The following CNBD1 variants were observed in gnomAD, a reference collection of about 807,000 sequenced individuals.
The protein encoded by CNBD1 is cyclic nucleotide binding domain containing 1, also known as cyclic nucleotide-binding domain-containing protein 1.
A neutral mutation model predicts 54.4 loss-of-function variants in CNBD1; 71 were observed. The ratio of observed to expected loss-of-function variants is 1.30; its 90% confidence interval spans 1.08 to 1.59. The LOEUF (loss-of-function observed/expected upper bound fraction) is 1.59. CNBD1 is among the 40% of genes most tolerant of loss of function. The pLI is 0.00. For missense variants in CNBD1, 659 were observed against 518.0 expected (o/e 1.27, Z -2.64); for synonymous variants, 182 against 170.7 (o/e 1.07, Z -0.51).
At chr8:87,067,850 C>T (rs1220738513) in intron 4 of CNBD1, among the ~76,000 whole-genome samples, 1 of 151,750 alleles carries the variant, frequency 6.6e-6, no homozygotes, top group East Asian at 1.9e-4. Context: ...GTGTTTCCAC[C>T]TGAGAAGACC....
At chr8:86,884,320 T>C (rs554111493) in intron 1 of CNBD1, among the ~76,000 whole-genome samples, 7 of 152,164 alleles carry the variant, frequency 4.6e-5, no homozygotes, top group Non-Finnish European at 7.4e-5. Flanking sequence ...CACTTGGGAA[T>C]TGTCTCTGTC....
chr8:87,123,731 GT>G (rs953554042), intron 4 of CNBD1, among the ~76,000 whole-genome samples: 6 of 151,688 alleles, frequency 4.0e-5, no homozygotes, highest in Admixed American at 2.6e-4. Context: ...TGAAGAGTTG[GT>G]TTTTTGAAAA....
chr8:87,241,598 A>G (rs1807710470), intron 6 of CNBD1, among the ~76,000 whole-genome samples: 1 of 152,138 alleles, frequency 6.6e-6, no homozygotes, highest in African/African-American at 2.4e-5. Context: ...ATGGATAACA[A>G]TGAAAGTGTC....
At chr8:87,125,459 A>G (rs1586273406) in intron 4 of CNBD1, among the ~76,000 whole-genome samples, 1 of 151,700 alleles carries the variant, frequency 6.6e-6, no homozygotes, top group East Asian at 1.9e-4. Flanking sequence ...AGTATCCAAA[A>G]CCCATAAATA....
intron 4 of CNBD1, among the ~76,000 whole-genome samples, chr8:87,056,378 C>A (rs1289909997): frequency 2.0e-5 from 3 of 152,062 alleles, no homozygotes; most frequent in Non-Finnish European, 4.4e-5. Context: ...GCCTTACAGT[C>A]CCTAGACTTA....
At chr8:87,114,019 G>A (rs1220432143) in intron 4 of CNBD1, among the ~76,000 whole-genome samples, 3 of 152,100 alleles carry the variant, frequency 2.0e-5, no homozygotes, top group Non-Finnish European at 4.4e-5. Context: ...AATCTCACAT[G>A]TAAGAATAAA....
At chr8:87,181,322 G>T (rs931724504) in intron 4 of CNBD1, among the ~76,000 whole-genome samples, 7 of 152,136 alleles carry the variant, frequency 4.6e-5, no homozygotes, top group African/African-American at 1.7e-4. Flanking sequence ...AGTTACAATT[G>T]AGATAGTATA....
At chr8:87,415,025 G>T (rs1045421181) in intron 2 of CNBD1, among the ~76,000 whole-genome samples, 1 of 152,000 alleles carries the variant, frequency 6.6e-6, no homozygotes, top group Non-Finnish European at 1.5e-5. Context: ...AAATGAAGGG[G>T]GACCTGCTCA....
chr8:87,331,306 T>G (rs1423176819), intron 8 of CNBD1, among the ~76,000 whole-genome samples: 4 of 152,200 alleles, frequency 2.6e-5, no homozygotes, highest in Admixed American at 2.6e-4. Context: ...AGTGAGAACA[T>G]GCAGTGTTTG....
At chr8:87,388,919 A>G (rs943611234) in intron 2 of CNBD1, among the ~76,000 whole-genome samples, 1 of 152,214 alleles carries the variant, frequency 6.6e-6, no homozygotes. Context: ...AGTGGGCTTC[A>G]TCCCTGTGAT....
chr8:87,273,561 A>T (rs988933447), intron 6 of CNBD1, among the ~76,000 whole-genome samples: 6 of 152,008 alleles, frequency 3.9e-5, no homozygotes, highest in Admixed American at 2.6e-4. Flanking sequence ...GACTAATAGG[A>T]TGCAGCCTGA....
intron 4 of CNBD1, among the ~76,000 whole-genome samples, chr8:87,088,315 A>AT (rs1221464578): frequency 6.6e-6 from 1 of 152,184 alleles, no homozygotes; most frequent in Non-Finnish European, 1.5e-5. Context: ...GCTCAATAAA[A>AT]TGCTCTTTCT....
chr8:87,217,112 T>G (rs1317748994), intron 5 of CNBD1, among the ~76,000 whole-genome samples: 1 of 152,134 alleles, frequency 6.6e-6, no homozygotes, highest in Non-Finnish European at 1.5e-5. Context: ...AATAAACTCT[T>G]TTTTATGAAA....
chr8:87,218,319 TA>T (rs1192037553), intron 5 of CNBD1, among the ~76,000 whole-genome samples: 1 of 152,092 alleles, frequency 6.6e-6, no homozygotes, highest in African/African-American at 2.4e-5. Context: ...AGTACTGATC[TA>T]AAGTTCATTC....
chr8:87,376,914 T>C (rs557775998), intron 10 of CNBD1, among the ~76,000 whole-genome samples: 1 of 151,746 alleles, frequency 6.6e-6, no homozygotes, highest in South Asian at 2.1e-4. Context: ...AATAATTTAC[T>C]TGAGGACACA....
chr8:86,938,149 C>T (rs572149483), intron 3 of CNBD1, among the ~76,000 whole-genome samples: 27 of 152,330 alleles, frequency 1.8e-4, no homozygotes, highest in African/African-American at 5.8e-4. Context: ...CTGCCAGTCT[C>T]TGCTAAAACA....
intron 4 of CNBD1, among the ~76,000 whole-genome samples, chr8:86,992,138 G>C (rs1287007870): frequency 1.3e-5 from 2 of 152,074 alleles, no homozygotes; most frequent in Non-Finnish European, 2.9e-5. Flanking sequence ...TTGTGTAGCT[G>C]TCTAAGTCTT....
chr8:87,309,315 C>A (rs142714448), intron 8 of CNBD1, among the ~76,000 whole-genome samples: 470 of 152,194 alleles, frequency 3.1e-3, no homozygotes, highest in African/African-American at 0.011. Flanking sequence ...ATTACCAAAT[C>A]ATCTCTGCTT....
At chr8:87,131,380 A>G (rs1242796007) in intron 4 of CNBD1, among the ~76,000 whole-genome samples, 1 of 152,092 alleles carries the variant, frequency 6.6e-6, no homozygotes. Flanking sequence ...AAGGCATAAA[A>G]TACACATTTT....
Sources: allele counts gnomAD v4.1 joint callset (sites outside exome capture counted in the v4.1 genomes callset), GRCh38; gene constraint gnomAD v4.1.1; transcripts MANE v1.5; gene names NCBI Gene and HGNC (gene_info 2026-07-23, HGNC 2026-07-21).